PDCD4: variants seen among roughly 807,000 people sequenced by gnomAD.
PDCD4 encodes the protein programmed cell death 4.
Under a neutral mutation model 54.0 loss-of-function variants are expected in PDCD4, and 56 were observed. That is an observed-to-expected ratio of 1.04 (90% CI 0.84 to 1.30). PDCD4 has a LOEUF of 1.30. PDCD4 is among the 50% of genes most tolerant of loss of function. The pLI, the probability that PDCD4 is intolerant of heterozygous loss-of-function variation, is 0.00. For missense variants in PDCD4, 584 were observed against 559.8 expected, an observed-to-expected ratio of 1.04 and a Z score of -0.44; for synonymous variants, 186 against 194.8, an observed-to-expected ratio of 0.95 and a Z score of 0.37.
Position 110,899,137 on chromosome 10 carries a change from C to A in PDCD4, c.*1049C>A, listed in dbSNP as rs1175594613. On this transcript the variant is annotated 3_prime_UTR_variant, in exon 12 of 12. Transcript: ENST00000280154. Reference sequence around the variant, plus strand: ...TTACCAATTAACAATAAAGAATGATCATATTTTTAACCTCTTTTACATAGC... The same window carrying A: ...TTACCAATTAACAATAAAGAATGATAATATTTTTAACCTCTTTTACATAGC... 2.0e-5 allele frequency: 3 copies of A among 152,114 alleles called. No individual in the cohort carries two copies. Among genetic ancestry groups the A allele is most frequent in the Non-Finnish European group, 4.4e-5 (3 of 67,992 alleles). The allele number at this position is 152,114 out of a possible 1,614,324, so 9.4% of individuals were successfully genotyped here.
At chr10:110,879,400 C>T (rs1310487645) in intron 2 of PDCD4, among the ~76,000 whole-genome samples, 1 of 152,178 alleles carries the variant, frequency 6.6e-6, no homozygotes, top group African/African-American at 2.4e-5. Context: ...GGTGCGGTGG[C>T]TCACGCCTGT....
chr10:110,879,990 G>T (rs1315322456), intron 2 of PDCD4, among the ~76,000 whole-genome samples: 1 of 152,150 alleles, frequency 6.6e-6, no homozygotes, highest in Non-Finnish European at 1.5e-5. Flanking sequence ...TTATCTTTAG[G>T]CATATAGAAA....
At chr10:110,895,910 A>G (rs377448437) in intron 10 of PDCD4, 38 bp from the exon 11 acceptor site, 9 of 1,482,410 alleles carry the variant, frequency 6.1e-6, no homozygotes, top group Admixed American at 2.3e-5. Context: ...TTTATTTTAT[A>G]TGGGCTAACA....
intron 1 of PDCD4, among the ~76,000 whole-genome samples, chr10:110,873,059 T>C (rs1328438396): frequency 6.6e-6 from 1 of 152,256 alleles, no homozygotes; most frequent in East Asian, 1.9e-4. Context: ...ATTCTTAACG[T>C]GACTTTTTTG....
intron 5 of PDCD4, among the ~76,000 whole-genome samples, chr10:110,887,001 T>C (rs1845678288): frequency 6.6e-6 from 1 of 152,176 alleles, no homozygotes; most frequent in South Asian, 2.1e-4. Context: ...CCACAAATTC[T>C]CATAAAACAA....
chr10:110,873,274 T>TG (rs1383243227), intron 1 of PDCD4, among the ~76,000 whole-genome samples: 2 of 152,378 alleles, frequency 1.3e-5, no homozygotes, highest in East Asian at 3.9e-4. Flanking sequence ...CTGTAGTGCT[T>TG]GCTTTTGCAT....
rs948414759 is a variant in PDCD4, at chr10:110,888,550, A to G, written c.777+664A>G. ...GTAGAATTTTTGAAAAATAAAAGCC[A>G]GAAAGAAGAAAGGCCAGCAAAAACT... On this transcript the variant is annotated intron_variant, in intron 6 of 11. Transcript: ENST00000280154. 9.2e-5 allele frequency among the ~76,000 whole-genome samples: 14 copies of G among 152,310 alleles called. No homozygotes were observed. The South Asian group carries it at 2.9e-3, about 32-fold the overall frequency.
intron 8 of PDCD4, among the ~76,000 whole-genome samples, chr10:110,891,213 T>C (rs1845750672): frequency 6.6e-6 from 1 of 152,034 alleles, no homozygotes; most frequent in Non-Finnish European, 1.5e-5. Context: ...GAGACCAGCC[T>C]GGTCAACATG....
rs538134976 is a variant in PDCD4, at chr10:110,892,825, C to T, written c.991-1266C>T. 1.5e-4 allele frequency among the ~76,000 whole-genome samples: 23 copies of T among 152,292 alleles called. No homozygotes were observed. In the South Asian group the frequency reaches 4.8e-3, roughly 32 times the overall value. ...TAGGCCTTTACATTCACTAACCACT[C>T]ACTCATTGAATCACCCAGAGTAACT... On this transcript the variant is annotated intron_variant, in intron 8 of 11. Coordinates refer to ENST00000280154, the MANE Select transcript of PDCD4 (RefSeq NM_014456.5).
chr10:110,874,206 G>A (rs1845467207), intron 1 of PDCD4, among the ~76,000 whole-genome samples: 2 of 152,150 alleles, frequency 1.3e-5, no homozygotes, highest in Non-Finnish European at 2.9e-5. Flanking sequence ...TTTCTGTAAG[G>A]TACATTAAAT....
chr10:110,898,302 G>A lies in PDCD4; in HGVS notation c.*214G>A, dbSNP rs12248739. 0.069 allele frequency: 25,047 copies of A among 364,016 alleles called. 2,215 individuals carry two copies. Among genetic ancestry groups the A allele is most frequent in the East Asian group, 0.32 (7,803 of 24,514 alleles). 22.5% of individuals were successfully genotyped at this position (364,016 alleles called of 1,614,324 possible). On this transcript the variant is annotated 3_prime_UTR_variant, in exon 12 of 12. Coordinates refer to ENST00000280154, the MANE Select transcript of PDCD4 (RefSeq NM_014456.5). ...CGAGGGGGCAAGGAGGGACAGAAAA[G>A]TAACCTCTTCTTAAGTGGAATATTC...
chr10:110,876,569 C>A, intron 2 of PDCD4: 1 of 401,930 alleles, frequency 2.5e-6, no homozygotes, highest in Non-Finnish European at 4.5e-6. Context: ...AGTGAGCCTG[C>A]TTATTTTCAC....
chr10:110,887,730 A>G lies in PDCD4; in HGVS notation c.621A>G (p.Leu207=), dbSNP rs969840522. The change falls in exon 6 of 12, where the codon TTA becomes TTG. Residue 207 remains leucine, a synonymous_variant. Coordinates refer to ENST00000280154, the MANE Select transcript of PDCD4 (RefSeq NM_014456.5). ...KSGVPVLAVS[L]ALEGKASHRE... Reference sequence around the variant, plus strand: ...GAGTACCAGTGTTGGCAGTATCCTTAGCATTGGAGGGGAAGGCTAGTCATA... The same window carrying G: ...GAGTACCAGTGTTGGCAGTATCCTTGGCATTGGAGGGGAAGGCTAGTCATA... 6.2e-7 allele frequency: 1 copy of G among 1,613,500 alleles called. No individual in the cohort carries two copies. The highest frequency in any genetic ancestry group is 1.3e-5 in the African/African-American group (1 of 74,912).
chr10:110,893,616 CTA>C lies in PDCD4; in HGVS notation c.991-473_991-472del, dbSNP rs201621387. ...TTCTCAGTTGTAGAGAAAAGAGAAA[CTA>C]TGTGGAAATCTTTGCCCTCTCTAGT... On this transcript the variant is annotated intron_variant, in intron 8 of 11. Coordinates refer to ENST00000280154, the MANE Select transcript of PDCD4 (RefSeq NM_014456.5). Among the ~76,000 whole-genome samples, 679 of 152,038 alleles carry C rather than the reference CTA, an allele frequency of 4.5e-3. 9 individuals are homozygous for C. The highest frequency in any genetic ancestry group is 0.015 in the African/African-American group (629 of 41,472).
chr10:110,876,189 C>A, intron 2 of PDCD4, 119 bp downstream of exon 2: 1 of 674,002 alleles, frequency 1.5e-6, no homozygotes, highest in Non-Finnish European at 2.4e-6. Flanking sequence ...CTTTCCTGGG[C>A]TTAAGAGATC....
intron 8 of PDCD4, among the ~76,000 whole-genome samples, chr10:110,892,035 A>G (rs972383780): frequency 6.6e-6 from 1 of 152,220 alleles, no homozygotes; most frequent in Non-Finnish European, 1.5e-5. Context: ...GTTGCAAGAT[A>G]AAAGATCAGT....
intron 2 of PDCD4, among the ~76,000 whole-genome samples, chr10:110,878,342 C>G (rs1845539011): frequency 6.6e-6 from 1 of 152,080 alleles, no homozygotes; most frequent in Non-Finnish European, 1.5e-5. Context: ...GAAAAGAAAA[C>G]TCGATTATGG....
intron 4 of PDCD4, chr10:110,884,962 T>G (rs1845646605): frequency 4.9e-6 from 1 of 203,176 alleles, no homozygotes; most frequent in African/African-American, 2.3e-5. Context: ...TCTGGCTAAT[T>G]TTTAAAACTT....
chr10:110,879,866 A>C (rs1845565112), intron 2 of PDCD4, among the ~76,000 whole-genome samples: 1 of 152,232 alleles, frequency 6.6e-6, no homozygotes, highest in Non-Finnish European at 1.5e-5. Flanking sequence ...AAGTATGTCA[A>C]GAATTGTAAA....
Sources: gnomAD v4.1 joint callset for allele counts (sites outside exome capture counted in the v4.1 genomes callset) on GRCh38, gnomAD v4.1.1 for gene constraint, MANE v1.5 for transcripts, NCBI Gene and HGNC (gene_info 2026-07-23, HGNC 2026-07-21) for gene names.